Variants in LINGO2 observed in about 807,000 individuals in gnomAD.
LINGO2 encodes leucine-rich repeat and immunoglobulin-like domain-containing nogo receptor-interacting protein 2.
A neutral mutation model predicts 30.6 loss-of-function variants in LINGO2; 14 were observed. That is an observed-to-expected ratio of 0.46 (90% CI 0.30 to 0.72). LINGO2 has a LOEUF of 0.72. Ranked by LOEUF, LINGO2 falls within the 30% of genes least tolerant of loss-of-function variation. The probability of loss-of-function intolerance (pLI) is 0.07; values close to 1 mark genes in which losing one functional copy is unlikely to be tolerated. For missense variants in LINGO2, 729 were observed against 751.7 expected (o/e 0.97, Z 0.35); for synonymous variants, 317 against 288.5 (o/e 1.10, Z -1.00).
At chr9:28,497,485 C>T (rs1222734056) in intron 1 of LINGO2, among the ~76,000 whole-genome samples, 1 of 152,130 alleles carries the variant, frequency 6.6e-6, no homozygotes, top group Non-Finnish European at 1.5e-5. Context: ...TCATGTAGTT[C>T]TTGTGCCATG....
chr9:28,154,312 C>A (rs572732895), intron 4 of LINGO2, among the ~76,000 whole-genome samples: 1 of 152,136 alleles, frequency 6.6e-6, no homozygotes, highest in African/African-American at 2.4e-5. Flanking sequence ...AATATTAAGA[C>A]GTTTTCCTAC....
At chr9:28,854,418 T>C in the LINGO2 span, among the ~76,000 whole-genome samples, 1 of 151,976 alleles carries the variant, frequency 6.6e-6, no homozygotes, top group East Asian at 1.9e-4. Context: ...AAAACTGGTA[T>C]TTTGAGAAAA....
the LINGO2 span, among the ~76,000 whole-genome samples, chr9:29,117,641 G>C: frequency 1.3e-5 from 2 of 152,142 alleles, no homozygotes; most frequent in East Asian, 1.9e-4. Context: ...GCAATTTTCA[G>C]GAGCAGTGTT....
chr9:28,855,134 T>C, the LINGO2 span, among the ~76,000 whole-genome samples: 1 of 152,002 alleles, frequency 6.6e-6, no homozygotes, highest in East Asian at 1.9e-4. Flanking sequence ...TAGTGGGTGC[T>C]CTTCCTTATC....
intron 5 of LINGO2, among the ~76,000 whole-genome samples, chr9:27,994,827 A>T (rs973687417): frequency 1.1e-4 from 17 of 152,096 alleles, no homozygotes; most frequent in Admixed American, 7.9e-4. Flanking sequence ...CAAAATCCCA[A>T]TGCAGAACTC....
the LINGO2 span, among the ~76,000 whole-genome samples, chr9:28,687,794 C>T: frequency 1.3e-5 from 2 of 151,880 alleles, no homozygotes; most frequent in African/African-American, 4.8e-5. Flanking sequence ...TGGAAATGTA[C>T]AACAATTCAA....
chr9:28,793,440 C>T, the LINGO2 span, among the ~76,000 whole-genome samples: 2 of 152,168 alleles, frequency 1.3e-5, no homozygotes, highest in African/African-American at 4.8e-5. Flanking sequence ...CTGCCTTTTG[C>T]GGAGAGTTGT....
intron 5 of LINGO2, among the ~76,000 whole-genome samples, chr9:27,970,622 A>G (rs1047398814): frequency 4.6e-5 from 7 of 152,082 alleles, no homozygotes; most frequent in Admixed American, 2.0e-4. Flanking sequence ...GATGCTTATG[A>G]AGTCTATTAA....
At chr9:28,721,811 T>C in the LINGO2 span, among the ~76,000 whole-genome samples, 1 of 151,634 alleles carries the variant, frequency 6.6e-6, no homozygotes, top group African/African-American at 2.4e-5. Context: ...TCCTAGAACT[T>C]AAAGTAAAAT....
At chr9:28,730,389 T>C in the LINGO2 span, among the ~76,000 whole-genome samples, 1 of 152,148 alleles carries the variant, frequency 6.6e-6, no homozygotes, top group Admixed American at 6.5e-5. Flanking sequence ...GAGTTAGGCT[T>C]AACATCAAAA....
the LINGO2 span, among the ~76,000 whole-genome samples, chr9:28,996,962 C>G: frequency 6.6e-6 from 1 of 152,172 alleles, no homozygotes; most frequent in African/African-American, 2.4e-5. Context: ...TAAACGCTTT[C>G]TCTGCCAACA....
At chr9:28,365,189 T>C (rs1430793003) in intron 3 of LINGO2, among the ~76,000 whole-genome samples, 1 of 149,498 alleles carries the variant, frequency 6.7e-6, no homozygotes, top group African/African-American at 2.5e-5. Flanking sequence ...GGGGAGAGAG[T>C]GGGAGAGGGA....
intron 1 of LINGO2, among the ~76,000 whole-genome samples, chr9:28,505,590 A>C (rs1820076057): frequency 6.6e-6 from 1 of 151,994 alleles, no homozygotes; most frequent in Non-Finnish European, 1.5e-5. Context: ...TATAAATCAT[A>C]AATGGATATT....
the LINGO2 span, among the ~76,000 whole-genome samples, chr9:28,761,720 T>C: frequency 6.6e-6 from 1 of 151,938 alleles, no homozygotes; most frequent in African/African-American, 2.4e-5. Flanking sequence ...AAATTAAACA[T>C]TAAAGACTTA....
chr9:28,840,104 G>A, the LINGO2 span, among the ~76,000 whole-genome samples: 1 of 150,050 alleles, frequency 6.7e-6, no homozygotes, highest in Admixed American at 6.6e-5. Context: ...TAGGCAACAG[G>A]AGCAGGAACC....
chr9:28,192,163 A>G (rs760850227), intron 4 of LINGO2, among the ~76,000 whole-genome samples: 87 of 152,104 alleles, frequency 5.7e-4, no homozygotes, highest in Non-Finnish European at 7.6e-4. Context: ...TCATTGCTCA[A>G]ACCTAAGATA....
chr9:28,109,018 C>T (rs1197134087), intron 4 of LINGO2, among the ~76,000 whole-genome samples: 1 of 152,148 alleles, frequency 6.6e-6, no homozygotes, highest in Non-Finnish European at 1.5e-5. Context: ...CAAGCCAAAT[C>T]CAGCAGCACA....
chr9:28,546,013 T>G (rs1821920066), intron 1 of LINGO2, among the ~76,000 whole-genome samples: 1 of 152,098 alleles, frequency 6.6e-6, no homozygotes, highest in African/African-American at 2.4e-5. Flanking sequence ...CTTCACATAT[T>G]AGCTAATTTT....
chr9:29,051,577 T>G, the LINGO2 span, among the ~76,000 whole-genome samples: 1 of 152,288 alleles, frequency 6.6e-6, no homozygotes, highest in African/African-American at 2.4e-5. Context: ...ATGTCCAGAC[T>G]TTTCATAGGC....
Sources: gnomAD v4.1 joint callset for allele counts (sites outside exome capture counted in the v4.1 genomes callset) on GRCh38, gnomAD v4.1.1 for gene constraint, MANE v1.5 for transcripts, NCBI Gene and HGNC (gene_info 2026-07-23, HGNC 2026-07-21) for gene names.